OTUD7B: variants seen among roughly 807,000 people sequenced by gnomAD.
The protein encoded by OTUD7B is OTU domain-containing protein 7B.
In OTUD7B, 34 loss-of-function variants were observed where a neutral mutation model predicts 82.2. That is an observed-to-expected ratio of 0.41 (90% CI 0.31 to 0.55). The LOEUF (loss-of-function observed/expected upper bound fraction) is 0.55, where lower values mean the gene tolerates loss of function less well. Among genes scored for constraint, OTUD7B ranks in the 20% least tolerant of loss-of-function variants. The pLI is 0.20. For missense variants in OTUD7B, 944 were observed against 1,062.1 expected, an observed-to-expected ratio of 0.89 and a Z score of 1.55; for synonymous variants, 398 against 402.7, an observed-to-expected ratio of 0.99 and a Z score of 0.14.
the OTUD7B span, among the ~76,000 whole-genome samples, chr1:150,051,112 C>T: frequency 7.3e-5 from 11 of 150,896 alleles, no homozygotes; most frequent in African/African-American, 2.7e-4. Flanking sequence ...GCCTGTAATC[C>T]CAGCTACTCG....
chr1:150,012,477 C>A (rs1408263944), upstream of OTUD7B, among the ~76,000 whole-genome samples: 1 of 152,112 alleles, frequency 6.6e-6, no homozygotes, highest in African/African-American at 2.4e-5. Context: ...AGAAGAGGAG[C>A]CTCAAAATCT....
At chr1:150,009,454 G>T (rs77859739) in intron 1 of OTUD7B, among the ~76,000 whole-genome samples, 2,811 of 152,192 alleles carry the variant, frequency 0.018, 82 homozygotes, top group African/African-American at 0.064. Flanking sequence ...TGAAAAATTA[G>T]CAGCATGTGA....
chr1:150,051,553 T>C, the OTUD7B span, among the ~76,000 whole-genome samples: 1 of 152,134 alleles, frequency 6.6e-6, no homozygotes, highest in African/African-American at 2.4e-5. Flanking sequence ...CAAAAATATA[T>C]AGTGAAATGC....
rs587742515 is a variant in OTUD7B, at chr1:150,008,631, A to T, written c.-67+1817T>A. Among the ~76,000 whole-genome samples the T allele has an allele frequency of 5.3e-5, 8 of 152,368 alleles. No individual in the cohort carries two copies. In the South Asian group the frequency reaches 1.7e-3, roughly 32 times the overall value. On this transcript the variant is annotated intron_variant, in intron 1 of 11. Transcript: ENST00000581312. The stretch of plus-strand genomic sequence containing the variant: ...TCAAATAAGGCAATGACAATAAAAA[A>T]TTAGTTTGGCACTATCTTCCTTCCA...
chr1:149,978,332 C>G (rs1188143246), intron 1 of OTUD7B, among the ~76,000 whole-genome samples: 3 of 152,130 alleles, frequency 2.0e-5, no homozygotes, highest in African/African-American at 7.2e-5. Context: ...CATGGCGAAA[C>G]CCTGTTTCTA....
upstream of OTUD7B, among the ~76,000 whole-genome samples, chr1:150,012,884 C>T (rs782163839): frequency 3.9e-5 from 6 of 152,150 alleles, no homozygotes; most frequent in Non-Finnish European, 7.4e-5. Context: ...GTCAGCTGGG[C>T]TGGGAGCCAG....
At chr1:150,061,135 T>G in the OTUD7B span, among the ~76,000 whole-genome samples, 4 of 152,226 alleles carry the variant, frequency 2.6e-5, no homozygotes, top group African/African-American at 7.2e-5. Flanking sequence ...CCAACAATCC[T>G]CTTGCCTTGG....
the OTUD7B span, among the ~76,000 whole-genome samples, chr1:150,045,744 A>G: frequency 6.6e-6 from 1 of 152,306 alleles, no homozygotes; most frequent in Non-Finnish European, 1.5e-5. Context: ...CATGATCAGT[A>G]TGTTACAACA....
At chr1:149,996,564 C>T (rs1470847109) in intron 1 of OTUD7B, among the ~76,000 whole-genome samples, 6 of 152,194 alleles carry the variant, frequency 3.9e-5, no homozygotes, top group Non-Finnish European at 8.8e-5. Flanking sequence ...AATTATTTAA[C>T]GTCTCTATTG....
rs1453032702 is a variant in OTUD7B, at chr1:149,941,492, G to GT, written c.*2364dup. 10 of 152,198 alleles carry GT rather than the reference G, an allele frequency of 6.6e-5. No individual in the cohort carries two copies. The highest frequency in any genetic ancestry group is 1.2e-4 in the Non-Finnish European group (8 of 68,028). 9.4% of individuals were successfully genotyped at this position (152,198 alleles called of 1,614,324 possible). ...GTGTTCAAATCACAGAAACAGGGAC[G>GT]TAACTAGGGTGAGGTGAGCAAAGCA... On this transcript the variant is annotated 3_prime_UTR_variant, in exon 12 of 12. Transcript: ENST00000581312.
intron 3 of OTUD7B, among the ~76,000 whole-genome samples, chr1:149,968,254 C>T (rs1425137292): frequency 1.1e-5 from 1 of 88,400 alleles, no homozygotes; most frequent in African/African-American, 4.8e-5. Context: ...CAGAGCAAGA[C>T]CCCGTTTCAA....
the OTUD7B span, among the ~76,000 whole-genome samples, chr1:150,059,862 A>C: frequency 1.3e-5 from 2 of 152,240 alleles, no homozygotes; most frequent in Non-Finnish European, 2.9e-5. Context: ...AACAATGTAA[A>C]TACAAAATAT....
chr1:149,946,736 C>A (rs587707429), intron 11 of OTUD7B, among the ~76,000 whole-genome samples: 2 of 82,966 alleles, frequency 2.4e-5, no homozygotes, highest in African/African-American at 1.0e-4. Flanking sequence ...AGCAAGACTT[C>A]CTCTGAAAAA....
chr1:149,981,242 A>T (rs1650710826), intron 1 of OTUD7B, among the ~76,000 whole-genome samples: 1 of 152,108 alleles, frequency 6.6e-6, no homozygotes, highest in Non-Finnish European at 1.5e-5. Context: ...CTTCCAACTG[A>T]AAGGGACTTT....
At position 149,965,811 on chromosome 1, in the gene OTUD7B, T is replaced by A; in HGVS notation, c.570A>T (p.Gly190=). ...SQRLLPLATT[G]DGNCLLHAAS... ...CTGCATGCAGGAGGCAGTTCCCATC[T>A]CCAGTAGTTGCCAAAGGAAGCAGCC... The change falls in exon 5 of 12, where the codon GGA becomes GGT. Residue 190 remains glycine, a synonymous_variant. Transcript: ENST00000581312. The A allele has an allele frequency of 6.2e-7, 1 of 1,614,038 alleles. No individual in the cohort carries two copies. The highest frequency in any genetic ancestry group is 8.5e-7 in the Non-Finnish European group (1 of 1,179,946).
chr1:150,014,525 C>T (rs1653215288), upstream of OTUD7B, among the ~76,000 whole-genome samples: 1 of 151,484 alleles, frequency 6.6e-6, no homozygotes, highest in South Asian at 2.1e-4. Flanking sequence ...ACACAAAAAA[C>T]TTATACGTGA....
At chr1:149,974,751 T>C (rs1190851874) in intron 2 of OTUD7B, among the ~76,000 whole-genome samples, 1 of 151,948 alleles carries the variant, frequency 6.6e-6, no homozygotes, top group Admixed American at 6.6e-5. Context: ...GGTTTCACCA[T>C]GTTGGCCAGG....
At chr1:150,016,292 C>A in the OTUD7B span, among the ~76,000 whole-genome samples, 1 of 152,088 alleles carries the variant, frequency 6.6e-6, no homozygotes, top group African/African-American at 2.4e-5. Flanking sequence ...TAAGAGGGAA[C>A]CCAGCCTGGT....
the OTUD7B span, among the ~76,000 whole-genome samples, chr1:150,029,596 C>T: frequency 2.0e-5 from 3 of 152,276 alleles, no homozygotes; most frequent in Non-Finnish European, 2.9e-5. Context: ...TCAAGGAAAG[C>T]GTTTATTTGC....
Sources: gnomAD v4.1 joint callset for allele counts (sites outside exome capture counted in the v4.1 genomes callset) on GRCh38, gnomAD v4.1.1 for gene constraint, MANE v1.5 for transcripts, NCBI Gene and HGNC (gene_info 2026-07-23, HGNC 2026-07-21) for gene names.